The following NHEJ1 variants were observed in gnomAD, a reference collection of about 807,000 sequenced individuals.
The protein encoded by NHEJ1 is non-homologous end-joining factor 1.
NHEJ1 carries 22 observed loss-of-function variants against 39.4 expected under a neutral mutation model. The observed-to-expected ratio is 0.56, with a 90% CI of 0.40 to 0.80. NHEJ1 has a LOEUF of 0.80. Ranked by LOEUF, NHEJ1 falls within the 30% of genes least tolerant of loss-of-function variation. NHEJ1 has a pLI of 0.00. For missense variants in NHEJ1, 329 were observed against 357.1 expected, an observed-to-expected ratio of 0.92 and a Z score of 0.63; for synonymous variants, 154 against 135.6, an observed-to-expected ratio of 1.14 and a Z score of -0.94.
intron 1 of NHEJ1, among the ~76,000 whole-genome samples, chr2:219,159,566 T>TATATATATGCATATATATATATGC (rs1949902732): frequency 1.7e-4 from 3 of 17,674 alleles, no homozygotes; most frequent in Admixed American, 7.8e-4. Context: ...TATATATGCA[T>TATATATATGCATATATATATATGC]ATATATATGC....
intron 3 of NHEJ1, among the ~76,000 whole-genome samples, chr2:219,156,167 TGAACCCGGGAGGCG>T (rs1359335124): frequency 6.6e-6 from 1 of 151,740 alleles, no homozygotes; most frequent in Non-Finnish European, 1.5e-5. Flanking sequence ...GAGAGTGGCA[TGAACCCGGGAGGCG>T]GAGCTTGCAG....
chr2:219,152,323 G>C (rs1216003901), intron 3 of NHEJ1, among the ~76,000 whole-genome samples: 6 of 152,172 alleles, frequency 3.9e-5, no homozygotes, highest in African/African-American at 1.4e-4. Context: ...TCATGAGCAG[G>C]GGAGCAGAAT....
chr2:219,080,089 G>C (rs1949048646), intron 5 of NHEJ1, among the ~76,000 whole-genome samples: 1 of 152,146 alleles, frequency 6.6e-6, no homozygotes, highest in African/African-American at 2.4e-5. Context: ...TGCTGCACCT[G>C]GGTCTAAATG....
intron 5 of NHEJ1, among the ~76,000 whole-genome samples, chr2:219,146,240 G>T (rs1272996061): frequency 1.3e-5 from 2 of 152,080 alleles, no homozygotes; most frequent in African/African-American, 2.4e-5. Context: ...GTGCCCACAA[G>T]ACAGCCCCCA....
intron 2 of NHEJ1, among the ~76,000 whole-genome samples, chr2:219,157,891 G>A (rs1416557684): frequency 1.3e-5 from 2 of 151,684 alleles, no homozygotes; most frequent in African/African-American, 4.9e-5. Flanking sequence ...TTCTGCCTTG[G>A]GCAAGATTAA....
intron 5 of NHEJ1, among the ~76,000 whole-genome samples, chr2:219,089,716 G>A (rs1949144454): frequency 6.6e-6 from 1 of 152,074 alleles, no homozygotes; most frequent in African/African-American, 2.4e-5. Flanking sequence ...TATACTTTTG[G>A]TATATACTTT....
chr2:219,110,504 CAG>C (rs1212417368), intron 5 of NHEJ1, among the ~76,000 whole-genome samples: 1 of 144,090 alleles, frequency 6.9e-6, no homozygotes, highest in Non-Finnish European at 1.5e-5. Flanking sequence ...GTCTGGGCAA[CAG>C]AGTGAGATGC....
intron 5 of NHEJ1, 148 bp downstream of exon 5, chr2:219,146,532 C>T (rs879814950): frequency 2.6e-6 from 2 of 760,580 alleles, no homozygotes; most frequent in Non-Finnish European, 2.4e-6. Context: ...ACATCTCAAG[C>T]CTTATCAGAC....
intron 5 of NHEJ1, among the ~76,000 whole-genome samples, chr2:219,119,773 C>T (rs1574723889): frequency 6.6e-6 from 1 of 152,246 alleles, no homozygotes; most frequent in African/African-American, 2.4e-5. Flanking sequence ...GAGAGTATTC[C>T]TGTGGAGCAC....
intron 5 of NHEJ1, 23 bp downstream of exon 5, chr2:219,146,657 C>G: frequency 6.3e-7 from 1 of 1,593,276 alleles, no homozygotes; most frequent in Non-Finnish European, 8.6e-7. Context: ...CAAAGACACA[C>G]AAGAAAATGA....
At chr2:219,137,443 T>C (rs1210233255) in intron 5 of NHEJ1, among the ~76,000 whole-genome samples, 1 of 151,778 alleles carries the variant, frequency 6.6e-6, no homozygotes, top group African/African-American at 2.4e-5. Flanking sequence ...TCTGCAACAG[T>C]AATTAATAAG....
chr2:219,080,302 C>T (rs1199444770), intron 5 of NHEJ1, among the ~76,000 whole-genome samples: 1 of 151,870 alleles, frequency 6.6e-6, no homozygotes, highest in African/African-American at 2.4e-5. Context: ...TTTGGGAGGC[C>T]GAGGCGGGCG....
chr2:219,123,092 C>T (rs999558333), intron 5 of NHEJ1, among the ~76,000 whole-genome samples: 1 of 152,242 alleles, frequency 6.6e-6, no homozygotes, highest in African/African-American at 2.4e-5. Flanking sequence ...GATGTAGAGG[C>T]TAAATCATAC....
Position 219,154,880 on chromosome 2 carries a change from T to C in NHEJ1, c.390+2592A>G, listed in dbSNP as rs1329448803. Among the ~76,000 whole-genome samples the C allele has an allele frequency of 3.4e-5, 5 of 147,336 alleles. No individual in the cohort carries two copies. The South Asian group carries it at 6.3e-4, about 18-fold the overall frequency. On this transcript the variant is annotated intron_variant, in intron 3 of 7. Transcript: ENST00000356853. Reference sequence around the variant, plus strand: ...ATATTGTATTATATATATTATATAATATATAATACATTATATTATACCATT... The same window carrying C: ...ATATTGTATTATATATATTATATAACATATAATACATTATATTATACCATT...
rs141627589 is a variant in NHEJ1 at position 219,080,604 on chromosome 2, T to C, written c.589-2398A>G. On this transcript the variant is annotated intron_variant, in intron 5 of 7. Coordinates refer to ENST00000356853, the MANE Select transcript of NHEJ1 (RefSeq NM_024782.3). Reference sequence around the variant, plus strand: ...ATATACGCTTATATATATATGCTAATATATATAAGCTTATATATATGCTAA... The same window carrying C: ...ATATACGCTTATATATATATGCTAACATATATAAGCTTATATATATGCTAA... 3.9e-3 allele frequency among the ~76,000 whole-genome samples: 466 copies of C among 119,824 alleles called. 4 individuals are homozygous for C. The highest frequency in any genetic ancestry group is 0.013 in the African/African-American group (445 of 35,206). The allele number at this position is 119,824 out of a possible 152,430, so 78.6% of individuals were successfully genotyped here.
chr2:219,082,073 C>A (rs1429254207), intron 5 of NHEJ1, among the ~76,000 whole-genome samples: 1 of 152,224 alleles, frequency 6.6e-6, no homozygotes, highest in African/African-American at 2.4e-5. Context: ...ATTGATGGAA[C>A]AATGAGGAAT....
intron 5 of NHEJ1, among the ~76,000 whole-genome samples, chr2:219,103,080 A>G (rs1559191427): frequency 2.1e-5 from 3 of 143,620 alleles, no homozygotes; most frequent in Non-Finnish European, 4.6e-5. Context: ...ACTTGGGAGG[A>G]TGAGGCAGGA....
chr2:219,084,236 A>AC (rs1349349367), intron 5 of NHEJ1, among the ~76,000 whole-genome samples: 1 of 151,900 alleles, frequency 6.6e-6, no homozygotes. Context: ...CAAACTCCTG[A>AC]CCTCAGGTGA....
intron 5 of NHEJ1, among the ~76,000 whole-genome samples, chr2:219,089,282 A>C (rs1009609649): frequency 2.0e-5 from 3 of 152,234 alleles, no homozygotes; most frequent in African/African-American, 7.2e-5. Flanking sequence ...AAAAATGTGC[A>C]CACAAATGTT....
Sources: gnomAD v4.1 joint callset for allele counts (sites outside exome capture counted in the v4.1 genomes callset) on GRCh38, gnomAD v4.1.1 for gene constraint, MANE v1.5 for transcripts, NCBI Gene and HGNC (gene_info 2026-07-23, HGNC 2026-07-21) for gene names.